Variants in MAPK6 observed in about 807,000 individuals in gnomAD.
MAPK6 encodes the protein ERK-3.
MAPK6 carries 19 observed loss-of-function variants against 59.3 expected under a neutral mutation model. The observed-to-expected ratio is 0.32, with a 90% CI of 0.22 to 0.47. The LOEUF is 0.47. Ranked by LOEUF, MAPK6 falls within the 20% of genes least tolerant of loss-of-function variation. The probability of loss-of-function intolerance (pLI) is 1.00; values close to 1 mark genes in which losing one functional copy is unlikely to be tolerated. For missense variants in MAPK6, 724 were observed against 847.9 expected, an observed-to-expected ratio of 0.85 and a Z score of 1.81; for synonymous variants, 316 against 290.3, an observed-to-expected ratio of 1.09 and a Z score of -0.90.
At chr15:52,056,007 TTGA>T (rs1262857944) in intron 3 of MAPK6, among the ~76,000 whole-genome samples, 3 of 152,242 alleles carry the variant, frequency 2.0e-5, no homozygotes, top group Non-Finnish European at 2.9e-5. Flanking sequence ...AGGTGCTTTA[TTGA>T]TTTTTGTCAG....
intron 2 of MAPK6, among the ~76,000 whole-genome samples, 164 bp downstream of exon 2, chr15:52,047,179 A>G (rs2141088257): frequency 6.6e-6 from 1 of 152,302 alleles, no homozygotes; most frequent in South Asian, 2.1e-4. Context: ...ATGAAGGTGG[A>G]GTGGGATAAT....
At chr15:52,018,950 G>T (rs1372962161), upstream of MAPK6, 1 of 152,354 alleles carries the variant, frequency 6.6e-6, no homozygotes, top group African/African-American at 2.4e-5. Context: ...GCTGGCACTG[G>T]GTTTGGTCAC....
At chr15:52,031,963 C>T (rs1037855521) in intron 1 of MAPK6, among the ~76,000 whole-genome samples, 5 of 151,636 alleles carry the variant, frequency 3.3e-5, no homozygotes, top group Non-Finnish European at 5.9e-5. Context: ...TACAGTGACA[C>T]GATCTCGGCT....
chr15:52,025,906 A>G (rs1344841172), intron 1 of MAPK6, among the ~76,000 whole-genome samples: 1 of 152,268 alleles, frequency 6.6e-6, no homozygotes, highest in Non-Finnish European at 1.5e-5. Flanking sequence ...ACTCAGTTTA[A>G]TAATTGTCCT....
chr15:52,016,062 G>GCACACACACACACA (rs1299801695), upstream of MAPK6, among the ~76,000 whole-genome samples: 1 of 59,100 alleles, frequency 1.7e-5, no homozygotes, highest in Non-Finnish European at 3.4e-5. Context: ...TCGCGCGCGC[G>GCACACACACACACA]CGCGCGCGCA....
rs2032420229 is a variant in MAPK6 at position 52,066,289 on chromosome 15, A to T, written c.*1289A>T. 6.6e-6 allele frequency: 1 copy of T among 152,248 alleles called. No homozygotes were observed. Among genetic ancestry groups the T allele is most frequent in the Non-Finnish European group, 1.5e-5 (1 of 68,040 alleles). The allele number at this position is 152,248 out of a possible 1,614,324, so 9.4% of individuals were successfully genotyped here. A position where few individuals can be genotyped will look rare whatever the true frequency, so the allele number is the denominator to read the frequency against. ...CAGCTCCTGTTTCACTCTTGGGTTA[A>T]TGAAAATTTTCTGCTAGAATGAAAA... On this transcript the variant is annotated 3_prime_UTR_variant, in exon 6 of 6. Transcript: ENST00000261845.
chr15:52,033,363 C>T (rs972503987), intron 1 of MAPK6, among the ~76,000 whole-genome samples: 15 of 152,190 alleles, frequency 9.9e-5, no homozygotes, highest in East Asian at 1.9e-4. Flanking sequence ...TGGCTGCCAC[C>T]GAGGCTAGAA....
chr15:52,055,134 G>A (rs1221791793), intron 3 of MAPK6, among the ~76,000 whole-genome samples: 1 of 152,208 alleles, frequency 6.6e-6, no homozygotes, highest in Non-Finnish European at 1.5e-5. Context: ...CAAGCCAGGT[G>A]TGGTGGCTAA....
chr15:52,016,057 C>CGT (rs1200871292), upstream of MAPK6, among the ~76,000 whole-genome samples: 6 of 47,702 alleles, frequency 1.3e-4, no homozygotes, highest in South Asian at 1.0e-3. Flanking sequence ...CTCCATCGCG[C>CGT]GCGCGCGCGC....
chr15:52,021,529 A>G (rs1190518671), intron 1 of MAPK6: 1 of 152,200 alleles, frequency 6.6e-6, no homozygotes. Flanking sequence ...CATATACCCT[A>G]CAGGTGGAAT....
intron 1 of MAPK6, among the ~76,000 whole-genome samples, chr15:52,038,377 C>G (rs778500181): frequency 6.6e-6 from 1 of 152,162 alleles, no homozygotes; most frequent in Non-Finnish European, 1.5e-5. Flanking sequence ...ATACGTATGA[C>G]CATGTGACCT....
At chr15:52,036,799 C>A (rs1595989037) in intron 1 of MAPK6, among the ~76,000 whole-genome samples, 1 of 151,890 alleles carries the variant, frequency 6.6e-6, no homozygotes, top group Admixed American at 6.6e-5. Context: ...CTTCCTTTTT[C>A]TTTCCTTTCT....
At chr15:51,984,481 T>C (rs554555738) in intron 2 of MAPK6, among the ~76,000 whole-genome samples, 2 of 146,478 alleles carry the variant, frequency 1.4e-5, no homozygotes, top group African/African-American at 5.1e-5. Context: ...TTTTTTGTAT[T>C]TTTAGTACAG....
In MAPK6 at chr15:52,064,675, G is replaced by A; in HGVS notation, c.1841G>A (p.Arg614Lys). The change falls in exon 6 of 6, where the codon AGG becomes AAG. Residue 614 changes from arginine to lysine, a missense_variant. Physicochemically the swap from Arg to Lys is conservative, Grantham distance 26. This residue lies in a region of MAPK6 where 502 missense variants were observed against 507.6 expected (regional missense o/e 0.99). Transcript: ENST00000261845. ...CFFINQFCEV[R>K]KDEQVEKENT... The stretch of plus-strand genomic sequence containing the variant: ...TTCATAAATCAGTTTTGTGAGGTAA[G>A]GAAGGATGAACAAGTTGAGAAGGAA... 1 of 1,611,892 alleles carries A rather than the reference G, an allele frequency of 6.2e-7. No individual in the cohort carries two copies. The highest frequency in any genetic ancestry group is 8.5e-7 in the Non-Finnish European group (1 of 1,179,786).
intron 1 of MAPK6, among the ~76,000 whole-genome samples, chr15:52,031,445 A>C (rs115735869): frequency 3.3e-5 from 5 of 152,136 alleles, no homozygotes; most frequent in Non-Finnish European, 7.4e-5. Flanking sequence ...TATTTTGCCT[A>C]TTTTGCCTAT....
chr15:52,025,227 A>G (rs755031406), intron 1 of MAPK6, among the ~76,000 whole-genome samples: 20 of 152,240 alleles, frequency 1.3e-4, no homozygotes, highest in Non-Finnish European at 2.5e-4. Flanking sequence ...GGCAACAGCA[A>G]GAGACCCTGT....
Position 52,064,704 on chromosome 15 carries a change from A to T in MAPK6, c.1870A>T (p.Thr624Ser), listed in dbSNP as rs201436164. The T allele has an allele frequency of 1.7e-5, 27 of 1,611,886 alleles. 1 individual carries two copies. In the East Asian group the frequency reaches 5.1e-4, roughly 31 times the overall value. Residue 624 changes from threonine to serine, a missense_variant, in exon 6 of 6, where the codon ACT (threonine) becomes TCT (serine). Physicochemically the swap from Thr to Ser is moderately conservative, Grantham distance 58 (BLOSUM62 1). Transcript: ENST00000261845. ...RKDEQVEKEN[T>S]YTSYLDKFFS... ...GGATGAACAAGTTGAGAAGGAAAAC[A>T]CTTACACTAGTTACTTGGACAAGTT...
intron 3 of MAPK6, among the ~76,000 whole-genome samples, chr15:52,013,733 G>C (rs544507195): frequency 1.3e-5 from 2 of 152,232 alleles, no homozygotes; most frequent in East Asian, 3.9e-4. Context: ...AGGAAGGGGA[G>C]GCTCCTTAGA....
At chr15:52,033,875 G>C (rs185378572) in intron 1 of MAPK6, 1 of 150,108 alleles carries the variant, frequency 6.7e-6, no homozygotes, top group African/African-American at 2.5e-5. Context: ...ATTGTCTTCT[G>C]TTTTTCATTG....
Sources: gnomAD v4.1 joint callset for allele counts (sites outside exome capture counted in the v4.1 genomes callset) on GRCh38, gnomAD v4.1.1 for gene constraint, gnomAD v4.1.1 regional missense constraint, MANE v1.5 for transcripts, NCBI Gene and HGNC (gene_info 2026-07-23, HGNC 2026-07-21) for gene names.